RBM18: variants seen among roughly 807,000 people sequenced by gnomAD.
RBM18 encodes the protein probable RNA-binding protein 18.
In RBM18, 18 loss-of-function variants were observed where a neutral mutation model predicts 26.4. The ratio of observed to expected loss-of-function variants is 0.68; its 90% confidence interval spans 0.47 to 1.01. RBM18 has a LOEUF of 1.01. RBM18 is among the 50% of genes least tolerant of loss of function. The probability of loss-of-function intolerance (pLI) is 0.00; values close to 1 mark genes in which losing one functional copy is unlikely to be tolerated. For synonymous variants in RBM18, 74 were observed against 81.1 expected, an observed-to-expected ratio of 0.91 and a Z score of 0.47; for missense variants, 180 against 219.2, an observed-to-expected ratio of 0.82 and a Z score of 1.13.
intron 3 of RBM18, among the ~76,000 whole-genome samples, chr9:122,249,011 T>G (rs1831552879): frequency 6.6e-6 from 1 of 152,176 alleles, no homozygotes; most frequent in African/African-American, 2.4e-5. Context: ...AAGAAATATT[T>G]TATTCCTTTA....
chr9:122,262,399 G>A (rs908816946), intron 1 of RBM18, among the ~76,000 whole-genome samples: 3 of 152,142 alleles, frequency 2.0e-5, no homozygotes, highest in Non-Finnish European at 4.4e-5. Flanking sequence ...ATTTAGAACC[G>A]TGCATGGCAC....
intron 2 of RBM18, 118 bp from the exon 3 acceptor site, chr9:122,252,091 C>T (rs530073380): frequency 7.6e-7 from 1 of 1,310,898 alleles, no homozygotes; most frequent in Non-Finnish European, 1.1e-6. Flanking sequence ...TCGCCCCAGC[C>T]CCCTGCCTTC....
chr9:122,250,635 G>T (rs1169333880), intron 3 of RBM18, among the ~76,000 whole-genome samples: 4 of 152,124 alleles, frequency 2.6e-5, no homozygotes, highest in African/African-American at 9.7e-5. Flanking sequence ...ATGTCACCCT[G>T]ATGTGATTAA....
intron 3 of RBM18, 28 bp downstream of exon 3, chr9:122,251,819 T>C (rs771476539): frequency 6.2e-7 from 1 of 1,604,378 alleles, no homozygotes; most frequent in East Asian, 2.2e-5. Context: ...TTGATAAATA[T>C]TATAAAATGG....
At position 122,260,333 on chromosome 9, in the gene RBM18, A is replaced by G. The variant is rs1393766162; in HGVS notation, c.113+1047T>C. 2.0e-5 allele frequency among the ~76,000 whole-genome samples: 3 copies of G among 152,144 alleles called. No individual in the cohort carries two copies. In the East Asian group the frequency reaches 5.8e-4, roughly 29 times the overall value. On this transcript the variant is annotated intron_variant, in intron 2 of 5. Coordinates refer to ENST00000417201, the MANE Select transcript of RBM18 (RefSeq NM_033117.4). ...TACACTCCAGCCTGGGCAACAGAGC[A>G]AGACTGTCTTAAAAACAAAAACAAA...
intron 2 of RBM18, 70 bp from the exon 3 acceptor site, chr9:122,252,043 T>G: frequency 6.3e-7 from 1 of 1,589,578 alleles, no homozygotes; most frequent in Non-Finnish European, 8.6e-7. Flanking sequence ...AAGTGTGAGA[T>G]AAAAGCAGGA....
intron 2 of RBM18, 75 bp downstream of exon 2, chr9:122,261,305 G>T: frequency 9.6e-7 from 1 of 1,037,022 alleles, no homozygotes; most frequent in Non-Finnish European, 1.5e-6. Context: ...CACACCCCTT[G>T]AAAATTCTTC....
chr9:122,263,948 G>C lies in RBM18; in HGVS notation c.-17+767C>G, dbSNP rs1831892198. ...CGATAGAAAAGCTTTCCTAAACAGA[G>C]TTCCTTGTTATTCTATATCATAGCC... On this transcript the variant is annotated intron_variant, in intron 1 of 5. Transcript: ENST00000417201. Among the ~76,000 whole-genome samples the C allele has an allele frequency of 2.0e-5, 3 of 152,180 alleles. No individual in the cohort carries two copies. In the South Asian group the frequency reaches 6.2e-4, roughly 31 times the overall value.
intron 2 of RBM18, among the ~76,000 whole-genome samples, chr9:122,255,500 C>T (rs1237492611): frequency 6.6e-6 from 1 of 152,198 alleles, no homozygotes; most frequent in Non-Finnish European, 1.5e-5. Flanking sequence ...GCTTAACACA[C>T]CCCAAACTGA....
At chr9:122,255,339 G>C (rs1263449487) in intron 2 of RBM18, among the ~76,000 whole-genome samples, 1 of 152,182 alleles carries the variant, frequency 6.6e-6, no homozygotes, top group Non-Finnish European at 1.5e-5. Flanking sequence ...TATGGACTGA[G>C]AGAGAAACAG....
intron 5 of RBM18, among the ~76,000 whole-genome samples, chr9:122,243,280 A>AT (rs2118950067): frequency 6.6e-6 from 1 of 152,246 alleles, no homozygotes; most frequent in East Asian, 1.9e-4. Flanking sequence ...CCTACTTATA[A>AT]TGTTTTTAAT....
At chr9:122,244,244 G>C (rs1221508748) in intron 5 of RBM18, among the ~76,000 whole-genome samples, 1 of 152,016 alleles carries the variant, frequency 6.6e-6, no homozygotes, top group African/African-American at 2.4e-5. Context: ...CCTTCCCTTG[G>C]GTTTAATGAG....
chr9:122,243,672 G>A, intron 5 of RBM18: 1 of 930,066 alleles, frequency 1.1e-6, no homozygotes, highest in Middle Eastern at 5.5e-4. Flanking sequence ...GGCTTTTGGA[G>A]ATCCTCGAAA....
At chr9:122,259,609 G>A (rs1035639219) in intron 2 of RBM18, among the ~76,000 whole-genome samples, 1 of 152,126 alleles carries the variant, frequency 6.6e-6, no homozygotes, top group Non-Finnish European at 1.5e-5. Context: ...GGAACTTTTT[G>A]TTATAATCCT....
chr9:122,248,418 C>T (rs146328491), intron 3 of RBM18, among the ~76,000 whole-genome samples: 5 of 152,238 alleles, frequency 3.3e-5, no homozygotes, highest in Non-Finnish European at 7.4e-5. Flanking sequence ...GGCCCTGGAA[C>T]CATATCCTGG....
At chr9:122,258,908 C>CAA (rs11453707) in intron 2 of RBM18, among the ~76,000 whole-genome samples, 4,185 of 108,966 alleles carry the variant, frequency 0.038, 270 homozygotes, top group African/African-American at 0.13. Flanking sequence ...ACAGAGCTGT[C>CAA]AAAAAAAAAA....
At position 122,240,258 on chromosome 9, in the gene RBM18, G is replaced by C. The variant is rs1831394390; in HGVS notation, c.*1626C>G. On this transcript the variant is annotated 3_prime_UTR_variant, in exon 6 of 6. Transcript: ENST00000417201. Reference sequence around the variant, plus strand: ...CTCCAAGAAGTCACCAGAAAAATGGGAGATAATGCTCCTACCTCTCTGAAC... The same window carrying C: ...CTCCAAGAAGTCACCAGAAAAATGGCAGATAATGCTCCTACCTCTCTGAAC... The C allele has an allele frequency of 6.6e-6, 1 of 152,174 alleles. No individual in the cohort carries two copies. Among genetic ancestry groups the C allele is most frequent in the African/African-American group, 2.4e-5 (1 of 41,440 alleles). 9.4% of individuals were successfully genotyped at this position (152,174 alleles called of 1,614,324 possible).
In RBM18 at chr9:122,239,219, T is replaced by G. The variant is rs1239038463; in HGVS notation, c.*2665A>C. 1.8e-5 allele frequency: 2 copies of G among 112,882 alleles called. No homozygotes were observed. The highest frequency in any genetic ancestry group is 4.1e-5 in the Non-Finnish European group (2 of 49,226). The allele number at this position is 112,882 out of a possible 1,614,324, so 7.0% of individuals were successfully genotyped here. A position where few individuals can be genotyped will look rare whatever the true frequency, so the allele number is the denominator to read the frequency against. On this transcript the variant is annotated 3_prime_UTR_variant, in exon 6 of 6. Transcript: ENST00000417201. ...TGCAACTGATTTTTGACCTGTTTTG[T>G]TTTTGTTTTTTTTGAGACGGTGTCT...
rs1433336535 is a variant in RBM18, at chr9:122,251,991, T to G, written c.114-18A>C. The stretch of plus-strand genomic sequence containing the variant: ...GGTGGTATCTGTGGAGAAAGAAGAG[T>G]CCATGAGTATGCTCTGGGAATTCTG... On this transcript the variant is annotated intron_variant, in intron 2 of 5. Coordinates refer to ENST00000417201, the MANE Select transcript of RBM18 (RefSeq NM_033117.4). 2 of 1,613,254 alleles carry G rather than the reference T, an allele frequency of 1.2e-6. No individual in the cohort carries two copies.
Sources: gnomAD v4.1 joint callset for allele counts (sites outside exome capture counted in the v4.1 genomes callset) on GRCh38, gnomAD v4.1.1 for gene constraint, MANE v1.5 for transcripts, NCBI Gene and HGNC (gene_info 2026-07-23, HGNC 2026-07-21) for gene names.